Variants in TXNDC11 observed in about 807,000 individuals in gnomAD.
TXNDC11 encodes the protein thioredoxin domain-containing protein 11.
Under a neutral mutation model 78.0 loss-of-function variants are expected in TXNDC11, and 68 were observed. The observed-to-expected ratio is 0.87, with a 90% CI of 0.72 to 1.07. The LOEUF is 1.07. TXNDC11 is among the 50% of genes least tolerant of loss of function. The probability of loss-of-function intolerance (pLI) is 0.00; values close to 1 mark genes in which losing one functional copy is unlikely to be tolerated. For missense variants in TXNDC11, 1,389 were observed against 1,221.8 expected (o/e 1.14, Z -2.04); for synonymous variants, 571 against 495.2 (o/e 1.15, Z -2.03).
At chr16:11,712,048 C>T (rs1194279992) in intron 5 of TXNDC11, among the ~76,000 whole-genome samples, 1 of 152,026 alleles carries the variant, frequency 6.6e-6, no homozygotes, top group South Asian at 2.1e-4. Context: ...GATTGTAATG[C>T]TTCTAGTTCT....
chr16:11,738,661 G>GA (rs58616825), intron 1 of TXNDC11, among the ~76,000 whole-genome samples: 1,400 of 138,342 alleles, frequency 0.01, 28 homozygotes, highest in African/African-American at 0.031. Context: ...GGCACTACAG[G>GA]AAAAAAAAAA....
chr16:11,703,663 A>G, intron 5 of TXNDC11: 1 of 702,784 alleles, frequency 1.4e-6, no homozygotes, highest in Non-Finnish European at 2.6e-6. Flanking sequence ...AATACCAAAG[A>G]GCATACCTAG....
intron 4 of TXNDC11, among the ~76,000 whole-genome samples, chr16:11,727,580 G>A (rs545407922): frequency 2.0e-5 from 3 of 152,138 alleles, no homozygotes; most frequent in Non-Finnish European, 4.4e-5. Flanking sequence ...TGGAAAAAGT[G>A]AGTAGTTTGA....
At chr16:11,699,935 A>C (rs1177329952) in intron 6 of TXNDC11, among the ~76,000 whole-genome samples, 1 of 152,254 alleles carries the variant, frequency 6.6e-6, no homozygotes, top group African/African-American at 2.4e-5. Flanking sequence ...AAAGCAAATG[A>C]AATCGGGGAA....
chr16:11,701,543 A>G (rs1460567697), intron 5 of TXNDC11, among the ~76,000 whole-genome samples: 1 of 152,322 alleles, frequency 6.6e-6, no homozygotes, highest in East Asian at 1.9e-4. Context: ...AGGTCAAAAA[A>G]TATTTATTAA....
At chr16:11,697,960 C>T (rs888076624) in intron 7 of TXNDC11, among the ~76,000 whole-genome samples, 165 bp downstream of exon 7, 2 of 152,224 alleles carry the variant, frequency 1.3e-5, no homozygotes, top group Non-Finnish European at 2.9e-5. Flanking sequence ...GACACGGGCT[C>T]TCTCCTGCCC....
At chr16:11,713,280 C>CA (rs60166472) in intron 5 of TXNDC11, among the ~76,000 whole-genome samples, 12,878 of 97,284 alleles carry the variant, frequency 0.13, 698 homozygotes, top group South Asian at 0.22. Context: ...GACTCTGTCT[C>CA]AAAAAAAAAA....
At chr16:11,683,615 G>C (rs999282920) in intron 11 of TXNDC11, among the ~76,000 whole-genome samples, 1 of 152,154 alleles carries the variant, frequency 6.6e-6, no homozygotes, top group African/African-American at 2.4e-5. Context: ...TGTTCATACA[G>C]GCCATGAAAG....
intron 4 of TXNDC11, among the ~76,000 whole-genome samples, chr16:11,723,960 T>C (rs1432249575): frequency 6.6e-6 from 1 of 152,156 alleles, no homozygotes; most frequent in African/African-American, 2.4e-5. Context: ...ACTGTTAGCA[T>C]TTGGTGAGTA....
intron 5 of TXNDC11, among the ~76,000 whole-genome samples, chr16:11,703,509 T>TACAC (rs34963301): frequency 0.015 from 2,223 of 145,020 alleles, 31 homozygotes; most frequent in East Asian, 0.072. Flanking sequence ...AGGCTTTTGA[T>TACAC]ACACACACAC....
chr16:11,693,694 C>A lies in TXNDC11; in HGVS notation c.1108-1612G>T, dbSNP rs143763165. Among the ~76,000 whole-genome samples, 380 of 152,264 alleles carry A rather than the reference C, an allele frequency of 2.5e-3. 1 individual carries two copies. Among genetic ancestry groups the A allele is most frequent in the South Asian group, 8.9e-3 (43 of 4,828 alleles). ...AAACTACTGGGTCAAGAAAAGAAGTCACTTTAGATGATAGGCCAGTGCTTG... is the reference window on the plus strand; with the variant it reads ...AAACTACTGGGTCAAGAAAAGAAGTAACTTTAGATGATAGGCCAGTGCTTG... On this transcript the variant is annotated intron_variant, in intron 7 of 11. Coordinates refer to ENST00000283033, the MANE Select transcript of TXNDC11 (RefSeq NM_015914.7).
intron 5 of TXNDC11, among the ~76,000 whole-genome samples, chr16:11,702,092 G>GTGTGTATATATATATATATA (rs150869552): frequency 1.4e-5 from 2 of 144,336 alleles, no homozygotes; most frequent in African/African-American, 5.1e-5. Context: ...GTATGTATGT[G>GTGTGTATATATATATATATA]TATATATATA....
chr16:11,736,613 C>T (rs2052228259), intron 1 of TXNDC11, among the ~76,000 whole-genome samples: 1 of 152,178 alleles, frequency 6.6e-6, no homozygotes, highest in African/African-American at 2.4e-5. Flanking sequence ...CTCAGAATTA[C>T]GGTGAGGGAG....
At chr16:11,715,808 G>A (rs1160111322) in intron 5 of TXNDC11, among the ~76,000 whole-genome samples, 2 of 152,204 alleles carry the variant, frequency 1.3e-5, no homozygotes, top group African/African-American at 2.4e-5. Context: ...GCACGGGAAA[G>A]GGGAAGAGAA....
chr16:11,736,133 C>A lies in TXNDC11; in HGVS notation c.355G>T (p.Glu119Ter). 1 of 1,614,188 alleles carries A rather than the reference C, an allele frequency of 6.2e-7. No homozygotes were observed. The highest frequency in any genetic ancestry group is 8.5e-7 in the Non-Finnish European group (1 of 1,180,030). ...DLFQGQLDYAEYVRRDSEVVL... is the reference protein window; with the variant it reads ...DLFQGQLDYA ...ACCTCTGAATCCCGTCGAACGTACT[C>A]TGCATAATCCAGCTGCCCCTGGAAG... Residue 119 changes from glutamate to a stop codon, truncating the protein, a stop_gained, in exon 2 of 12, where the codon GAG becomes TAG. Coordinates refer to ENST00000283033, the MANE Select transcript of TXNDC11 (RefSeq NM_015914.7). LOFTEE classifies it high-confidence loss of function.
chr16:11,679,405 G>T lies in TXNDC11; in HGVS notation c.2667C>A (p.Thr889=). The T allele has an allele frequency of 1.2e-6, 2 of 1,612,806 alleles. No individual in the cohort carries two copies. Among genetic ancestry groups the T allele is most frequent in the Non-Finnish European group, 1.7e-6 (2 of 1,179,572 alleles). ...CCAGGATCTTGAGCCACGTGTTCTCGGTAAGGAGGTTTTCTGAGGCATCGG... is the reference window on the plus strand; with the variant it reads ...CCAGGATCTTGAGCCACGTGTTCTCTGTAAGGAGGTTTTCTGAGGCATCGG... ...ELADASENLL[T]ENTWLKILVA... Residue 889 remains threonine, a synonymous_variant, in exon 12 of 12, where the codon ACC becomes ACA. Coordinates refer to ENST00000283033, the MANE Select transcript of TXNDC11 (RefSeq NM_015914.7). The surrounding 1 kb of genome is among the most constrained non-coding windows in gnomAD (Gnocchi z 4.6).
chr16:11,712,432 A>G (rs976587479), intron 5 of TXNDC11, among the ~76,000 whole-genome samples: 3 of 152,172 alleles, frequency 2.0e-5, no homozygotes, highest in Non-Finnish European at 4.4e-5. Flanking sequence ...GAAGGCTGTC[A>G]CAGACCCATC....
In TXNDC11 at chr16:11,679,701, TCTGAAGACA is replaced by T. The variant is rs1597393588; in HGVS notation, c.2362_2370del (p.Cys788_Gln790del). On this transcript the variant is annotated inframe_deletion, in exon 12 of 12. Transcript: ENST00000283033. The surrounding 1 kb of genome is among the most constrained non-coding windows in gnomAD (Gnocchi z 4.6). ...TGCCCCCGCTGTAAGACTGCCTCGC[TCTGAAGACA>T]CTCCTTGGTAGGAGAGTTAGCCACA... 2 of 1,614,176 alleles carry T rather than the reference TCTGAAGACA, an allele frequency of 1.2e-6. No individual in the cohort carries two copies. Among genetic ancestry groups the T allele is most frequent in the African/African-American group, 2.7e-5 (2 of 75,036 alleles).
intron 5 of TXNDC11, among the ~76,000 whole-genome samples, chr16:11,720,393 C>CA (rs1319028532): frequency 6.7e-6 from 1 of 148,708 alleles, no homozygotes; most frequent in South Asian, 2.1e-4. Flanking sequence ...ACTATACACA[C>CA]AAAAAAAGAT....
Sources: gnomAD v4.1 joint callset for allele counts (sites outside exome capture counted in the v4.1 genomes callset) on GRCh38, gnomAD v4.1.1 for gene constraint, Gnocchi (gnomAD v3.1) non-coding constraint, MANE v1.5 for transcripts, NCBI Gene and HGNC (gene_info 2026-07-23, HGNC 2026-07-21) for gene names.